ARHGEF10: variants seen among roughly 807,000 people sequenced by gnomAD.
ARHGEF10 encodes the protein Rho guanine nucleotide exchange factor 10.
A neutral mutation model predicts 147.4 loss-of-function variants in ARHGEF10; 140 were observed. That is an observed-to-expected ratio of 0.95 (90% CI 0.83 to 1.09). The LOEUF is 1.09. ARHGEF10 is among the 50% of genes least tolerant of loss of function. ARHGEF10 has a pLI of 0.00. For synonymous variants in ARHGEF10, 902 were observed against 695.8 expected (o/e 1.30, Z -4.67); for missense variants, 2,222 against 1,752.7 (o/e 1.27, Z -4.78).
chr8:1,949,409 G>A (rs1018398423), intron 27 of ARHGEF10, among the ~76,000 whole-genome samples: 5 of 152,182 alleles, frequency 3.3e-5, no homozygotes, highest in Admixed American at 1.3e-4. Flanking sequence ...TAGAGCGGTC[G>A]TTACCTTTCT....
At chr8:1,883,201 T>C (rs866525478) in intron 10 of ARHGEF10, among the ~76,000 whole-genome samples, 7 of 152,150 alleles carry the variant, frequency 4.6e-5, no homozygotes, top group African/African-American at 1.4e-4. Flanking sequence ...TCTAAACATC[T>C]AACGAAGGCG....
At chr8:1,831,472 T>C (rs1803100711) in intron 1 of ARHGEF10, among the ~76,000 whole-genome samples, 1 of 147,718 alleles carries the variant, frequency 6.8e-6, no homozygotes. Flanking sequence ...GGAGGGACAG[T>C]GTGACATCCG....
At chr8:1,928,730 A>C (rs1812880823) in intron 24 of ARHGEF10, 80 bp downstream of exon 24, 4 of 1,507,788 alleles carry the variant, frequency 2.7e-6, no homozygotes, top group Non-Finnish European at 3.6e-6. Context: ...TCCTGGAAAG[A>C]GTCCTTGACT....
chr8:1,832,972 GCA>G (rs1803296995), intron 1 of ARHGEF10, among the ~76,000 whole-genome samples: 1 of 32,468 alleles, frequency 3.1e-5, no homozygotes. Flanking sequence ...AGATACAGAG[GCA>G]GAGAGAGACA....
chr8:1,957,027 C>G lies in ARHGEF10; in HGVS notation c.3799C>G (p.His1267Asp), dbSNP rs1381461892. The change falls in exon 29 of 29, where the codon CAC becomes GAC. Residue 1267 changes from histidine (H) to aspartate (D), a missense_variant. Transcript: ENST00000349830. ...CTCATCTGGGTCCCTGAGCTTGTCT[C>G]ACGGCTCCAGCTCTCTAGAGCACAG... ...SSSSGSLSLSHGSSSLEHRSE... is the reference protein window; with the variant it reads ...SSSSGSLSLSDGSSSLEHRSE... 2 of 1,613,890 alleles carry G rather than the reference C, an allele frequency of 1.2e-6. No individual in the cohort carries two copies. Among genetic ancestry groups the G allele is most frequent in the Non-Finnish European group, 1.7e-6 (2 of 1,180,042 alleles).
intron 1 of ARHGEF10, among the ~76,000 whole-genome samples, chr8:1,830,364 G>A (rs911124903): frequency 1.3e-5 from 2 of 152,200 alleles, no homozygotes; most frequent in Non-Finnish European, 2.9e-5. Context: ...GGAGCCTCCG[G>A]GGGCCGTGCA....
intron 13 of ARHGEF10, 83 bp from the exon 14 acceptor site, chr8:1,896,250 C>T (rs1326817292): frequency 8.2e-6 from 8 of 974,680 alleles, no homozygotes; most frequent in Middle Eastern, 2.1e-4. Flanking sequence ...ATTTTGAGGG[C>T]GAGTTTCAAA....
At chr8:1,900,566 G>A (rs1045553020) in intron 15 of ARHGEF10, among the ~76,000 whole-genome samples, 3 of 152,194 alleles carry the variant, frequency 2.0e-5, no homozygotes, top group Non-Finnish European at 4.4e-5. Flanking sequence ...CACTGCAGAC[G>A]TGCGCTGTCG....
intron 24 of ARHGEF10, 108 bp downstream of exon 24, chr8:1,928,758 C>T (rs985315211): frequency 1.5e-5 from 20 of 1,297,328 alleles, no homozygotes; most frequent in South Asian, 2.5e-5. Context: ...AGGAGTAGCC[C>T]GTGCAGGAAT....
At chr8:1,932,340 C>T (rs1436959863) in intron 25 of ARHGEF10, among the ~76,000 whole-genome samples, 7 of 152,124 alleles carry the variant, frequency 4.6e-5, no homozygotes, top group Non-Finnish European at 8.8e-5. Context: ...ATTGTGAGGG[C>T]GTATGTGTGT....
intron 2 of ARHGEF10, among the ~76,000 whole-genome samples, chr8:1,847,414 T>A (rs1004693597): frequency 6.6e-6 from 1 of 152,206 alleles, no homozygotes; most frequent in Non-Finnish European, 1.5e-5. Flanking sequence ...GCTAAAGCCT[T>A]TCTCTAATTA....
At chr8:1,877,062 G>A (rs112614783) in intron 8 of ARHGEF10, among the ~76,000 whole-genome samples, 1,722 of 152,304 alleles carry the variant, frequency 0.011, 25 homozygotes, top group African/African-American at 0.038. Context: ...CACCGTTTGC[G>A]GAACACTGAA....
chr8:1,839,220 C>T (rs1408696576), intron 1 of ARHGEF10, among the ~76,000 whole-genome samples: 1 of 143,464 alleles, frequency 7.0e-6, no homozygotes, highest in Non-Finnish European at 1.5e-5. Flanking sequence ...TGGGGACTGC[C>T]TGGTGTGGAA....
intron 23 of ARHGEF10, among the ~76,000 whole-genome samples, chr8:1,928,134 G>A (rs1250600299): frequency 6.6e-6 from 1 of 152,168 alleles, no homozygotes; most frequent in Admixed American, 6.5e-5. Flanking sequence ...GGATAGATGG[G>A]CCCTTACCTT....
chr8:1,841,860 ACTGGGGCCGCGGCGGG>A (rs1804073463), intron 1 of ARHGEF10, among the ~76,000 whole-genome samples: 8 of 110,362 alleles, frequency 7.2e-5, no homozygotes, highest in Middle Eastern at 5.1e-3. Context: ...CGCGGCGGGA[ACTGGGGCCGCGGCGGG>A]AACTGGGGCC....
intron 1 of ARHGEF10, among the ~76,000 whole-genome samples, chr8:1,841,137 C>T (rs1313356333): frequency 3.3e-5 from 5 of 152,260 alleles, no homozygotes; most frequent in African/African-American, 9.6e-5. Flanking sequence ...GCCAGCTGCC[C>T]TCTGCTGTAG....
chr8:1,948,829 G>A lies in ARHGEF10; in HGVS notation c.3397+3174G>A, dbSNP rs183891528. Among the ~76,000 whole-genome samples the A allele has an allele frequency of 3.2e-3, 494 of 152,176 alleles. No individual in the cohort carries two copies. The highest frequency in any genetic ancestry group is 5.8e-3 in the Non-Finnish European group (396 of 67,998). ...TGCTGTATTTAGACATTCCGGTGGG[G>A]GCATGCTCATACCGTGCTGAAGTGC... On this transcript the variant is annotated intron_variant, in intron 27 of 28. Transcript: ENST00000349830. This position sits in a 1 kb window ranked among gnomAD's most constrained non-coding sequence, Gnocchi z 4.9.
chr8:1,902,157 G>A (rs1019022920), intron 15 of ARHGEF10, among the ~76,000 whole-genome samples: 24 of 148,798 alleles, frequency 1.6e-4, no homozygotes, highest in East Asian at 6.3e-4. Context: ...CTCACCCCCC[G>A]CCCCGCAACA....
rs191108232 is a variant in ARHGEF10 at position 1,952,490 on chromosome 8, C to G, written c.3398-215C>G. On this transcript the variant is annotated intron_variant, in intron 27 of 28. Transcript: ENST00000349830. ...AACCAGACATCTGGCCTGTTCTGTT[C>G]AGGTGCAGGTGCAGGGTATGCCCTC... Among the ~76,000 whole-genome samples the G allele has an allele frequency of 2.4e-3, 360 of 152,356 alleles. 3 individuals carry two copies. Among genetic ancestry groups the G allele is most frequent in the African/African-American group, 8.1e-3 (338 of 41,584 alleles).
Sources: gnomAD v4.1 joint callset for allele counts (sites outside exome capture counted in the v4.1 genomes callset) on GRCh38, gnomAD v4.1.1 for gene constraint, Gnocchi (gnomAD v3.1) non-coding constraint, MANE v1.5 for transcripts, NCBI Gene and HGNC (gene_info 2026-07-23, HGNC 2026-07-21) for gene names.